Variants in MACROD2 observed in about 807,000 individuals in gnomAD.
MACROD2 encodes the protein mono-ADP ribosylhydrolase 2.
MACROD2 carries 36 observed loss-of-function variants against 70.4 expected under a neutral mutation model. The ratio of observed to expected loss-of-function variants is 0.51; its 90% CI spans 0.39 to 0.68. MACROD2 has a LOEUF of 0.68. MACROD2 is among the 30% of genes least tolerant of loss of function. The pLI is 0.00. For missense variants in MACROD2, 496 were observed against 538.4 expected (o/e 0.92, Z 0.78); for synonymous variants, 172 against 178.8 (o/e 0.96, Z 0.30).
chr20:15,156,120 G>T (rs1252084875), intron 5 of MACROD2, among the ~76,000 whole-genome samples: 1 of 152,162 alleles, frequency 6.6e-6, no homozygotes, highest in Admixed American at 6.5e-5. Flanking sequence ...TTGCAAATCT[G>T]CAATTTCCTT....
chr20:14,733,438 T>A (rs2071621392), intron 5 of MACROD2, among the ~76,000 whole-genome samples: 1 of 152,172 alleles, frequency 6.6e-6, no homozygotes, highest in Non-Finnish European at 1.5e-5. Context: ...TAAACATTTA[T>A]GTTGGTTAAT....
At chr20:15,882,888 T>C (rs1883723176) in intron 9 of MACROD2, among the ~76,000 whole-genome samples, 2 of 152,066 alleles carry the variant, frequency 1.3e-5, no homozygotes, top group Admixed American at 1.3e-4. Context: ...TCAGCTTCAG[T>C]GTTATGTTCT....
chr20:14,308,834 GA>G (rs2082542122), intron 3 of MACROD2, among the ~76,000 whole-genome samples: 1 of 152,042 alleles, frequency 6.6e-6, no homozygotes, highest in African/African-American at 2.4e-5. Context: ...GAATAGGAAA[GA>G]AAAAATAAAG....
chr20:14,192,129 T>C (rs2081394208), intron 3 of MACROD2, among the ~76,000 whole-genome samples: 1 of 152,202 alleles, frequency 6.6e-6, no homozygotes, highest in Non-Finnish European at 1.5e-5. Context: ...TCATTCTCAC[T>C]TTCTCTTCTT....
intron 2 of MACROD2, among the ~76,000 whole-genome samples, chr20:14,081,229 C>T (rs986745364): frequency 6.6e-6 from 1 of 152,200 alleles, no homozygotes; most frequent in Non-Finnish European, 1.5e-5. Flanking sequence ...GGCTCTATAA[C>T]CAGAATCCCC....
At chr20:14,837,943 A>C (rs796844303) in intron 5 of MACROD2, among the ~76,000 whole-genome samples, 24 of 27,726 alleles carry the variant, frequency 8.7e-4, no homozygotes, top group African/African-American at 2.0e-3. Context: ...ACAGCCAAAA[A>C]ACAAAACAAA....
At chr20:15,325,738 C>T (rs1490176545) in intron 6 of MACROD2, among the ~76,000 whole-genome samples, 1 of 152,134 alleles carries the variant, frequency 6.6e-6, no homozygotes. Context: ...GTGCAGGTAC[C>T]AAGGGAACAG....
intron 8 of MACROD2, among the ~76,000 whole-genome samples, chr20:15,535,389 C>G (rs935259097): frequency 2.6e-5 from 4 of 152,156 alleles, no homozygotes; most frequent in African/African-American, 9.7e-5. Flanking sequence ...TCAATATCAC[C>G]TGGGAACTTG....
At chr20:15,171,239 C>A (rs761592186) in intron 5 of MACROD2, among the ~76,000 whole-genome samples, 5 of 151,648 alleles carry the variant, frequency 3.3e-5, no homozygotes, top group Admixed American at 6.6e-5. Context: ...CCCTCCATCT[C>A]CCCCTCTATT....
intron 8 of MACROD2, among the ~76,000 whole-genome samples, chr20:15,597,554 A>G (rs759045357): frequency 5.9e-5 from 9 of 152,192 alleles, no homozygotes; most frequent in Admixed American, 5.9e-4. Flanking sequence ...GAGAAAGATG[A>G]TGAAATAGAG....
At chr20:15,469,095 A>G (rs1180958593) in intron 7 of MACROD2, among the ~76,000 whole-genome samples, 2 of 152,268 alleles carry the variant, frequency 1.3e-5, no homozygotes, top group Non-Finnish European at 2.9e-5. Flanking sequence ...ATTGACAGCT[A>G]TGCATTCAAC....
Position 14,241,454 on chromosome 20 carries a change from G to C in MACROD2, c.271+155726G>C, listed in dbSNP as rs114374853. ...ACCACTGCTGGGAATTCAATGGACC[G>C]TAAACATAGGCACATAACAGACATG... On this transcript the variant is annotated intron_variant, in intron 3 of 17. Transcript: ENST00000684519. Among the ~76,000 whole-genome samples, 7 of 152,094 alleles carry C rather than the reference G, an allele frequency of 4.6e-5. No individual in the cohort carries two copies. The South Asian group carries it at 1.5e-3, about 32-fold the overall frequency.
intron 8 of MACROD2, among the ~76,000 whole-genome samples, chr20:15,666,699 G>A (rs1164650238): frequency 6.6e-6 from 1 of 152,124 alleles, no homozygotes; most frequent in African/African-American, 2.4e-5. Flanking sequence ...ATCAAGCACT[G>A]GGCATATTAA....
At chr20:14,969,154 C>T (rs1418063289) in intron 5 of MACROD2, among the ~76,000 whole-genome samples, 3 of 148,072 alleles carry the variant, frequency 2.0e-5, no homozygotes, top group African/African-American at 5.2e-5. Flanking sequence ...TAGCACCTAT[C>T]TCCAGTTTAT....
intron 5 of MACROD2, among the ~76,000 whole-genome samples, chr20:15,053,158 G>A (rs1366142421): frequency 6.6e-6 from 1 of 152,220 alleles, no homozygotes; most frequent in Non-Finnish European, 1.5e-5. Context: ...CGCAGGTAAA[G>A]CCGCAAGTGC....
chr20:14,812,296 C>A (rs2072724296), intron 5 of MACROD2, among the ~76,000 whole-genome samples: 1 of 151,976 alleles, frequency 6.6e-6, no homozygotes, highest in Non-Finnish European at 1.5e-5. Context: ...TGGAACCCAT[C>A]ATTCTCAGCA....
chr20:14,279,312 G>T (rs2082284944), intron 3 of MACROD2, among the ~76,000 whole-genome samples: 1 of 152,066 alleles, frequency 6.6e-6, no homozygotes, highest in Admixed American at 6.6e-5. Context: ...ATATTTTATT[G>T]ACCAGCTTAC....
Position 15,585,176 on chromosome 20 carries a change from G to C in MACROD2, c.645+85329G>C, listed in dbSNP as rs74179775. ...CCAGCCACCACTATCTGTGCTGGAGGGTTCTTTTTTCTTCTTCTTTTTTTT... is the reference window on the plus strand; with the variant it reads ...CCAGCCACCACTATCTGTGCTGGAGCGTTCTTTTTTCTTCTTCTTTTTTTT... On this transcript the variant is annotated intron_variant, in intron 8 of 17. Transcript: ENST00000684519. 1.0e-2 allele frequency among the ~76,000 whole-genome samples: 1,513 copies of C among 151,744 alleles called. 12 individuals are homozygous for C. Among genetic ancestry groups the C allele is most frequent in the Non-Finnish European group, 0.015 (1,045 of 67,892 alleles).
chr20:15,763,735 A>T (rs2051476684), intron 8 of MACROD2, among the ~76,000 whole-genome samples: 1 of 152,198 alleles, frequency 6.6e-6, no homozygotes, highest in Non-Finnish European at 1.5e-5. Flanking sequence ...CTTTCTGCTA[A>T]CTCAACTGAG....
Sources: allele counts gnomAD v4.1 joint callset (sites outside exome capture counted in the v4.1 genomes callset), GRCh38; gene constraint gnomAD v4.1.1; transcripts MANE v1.5; gene names NCBI Gene and HGNC (gene_info 2026-07-23, HGNC 2026-07-21).